Variants in BAIAP2L1 observed in about 807,000 individuals in gnomAD.
BAIAP2L1 encodes the protein BAR/IMD domain-containing adapter protein 2-like 1.
BAIAP2L1 carries 35 observed loss-of-function variants against 66.3 expected under a neutral mutation model. That is an observed-to-expected ratio of 0.53 (90% CI 0.40 to 0.70). The LOEUF (loss-of-function observed/expected upper bound fraction) is 0.70, where lower values mean the gene tolerates loss of function less well. BAIAP2L1 is among the 30% of genes least tolerant of loss of function. The pLI is 0.00. For missense variants in BAIAP2L1, 622 were observed against 656.9 expected (o/e 0.95, Z 0.58); for synonymous variants, 269 against 248.7 (o/e 1.08, Z -0.77).
rs139975712 is a variant in BAIAP2L1, at chr7:98,319,898, A to C, written c.348+160T>G. Among the ~76,000 whole-genome samples, 50 of 152,242 alleles carry C rather than the reference A, an allele frequency of 3.3e-4. 1 individual carries two copies. In the East Asian group the frequency reaches 9.3e-3, roughly 28 times the overall value. The stretch of plus-strand genomic sequence containing the variant: ...CAAGTGTTAGCGAAAACCGGCCCAC[A>C]CAGCCCAAAGAGAGCTTGTCGGTTT... On this transcript the variant is annotated intron_variant, in intron 5 of 13. Transcript: ENST00000005260.
intron 1 of BAIAP2L1, among the ~76,000 whole-genome samples, chr7:98,364,693 ATCAC>A (rs1802350676): frequency 6.6e-6 from 1 of 152,130 alleles, no homozygotes; most frequent in Non-Finnish European, 1.5e-5. Context: ...TTTTTAAGAC[ATCAC>A]TTGGTCAGGC....
chr7:98,355,250 G>C (rs1190155908), intron 2 of BAIAP2L1, 122 bp from the exon 3 acceptor site: 3 of 720,354 alleles, frequency 4.2e-6, no homozygotes, highest in Middle Eastern at 3.0e-4. Context: ...GCTGTGGCAG[G>C]TGTGGCTCTC....
chr7:98,384,466 T>C (rs1200073674), intron 1 of BAIAP2L1, among the ~76,000 whole-genome samples: 1 of 152,128 alleles, frequency 6.6e-6, no homozygotes, highest in Non-Finnish European at 1.5e-5. Flanking sequence ...AAAAGGTGTG[T>C]CCTGGAATAA....
intron 1 of BAIAP2L1, among the ~76,000 whole-genome samples, chr7:98,392,967 T>TTA (rs201126307): frequency 0.013 from 2,010 of 150,754 alleles, 35 homozygotes; most frequent in Non-Finnish European, 0.019. Flanking sequence ...TGATTTTTAT[T>TTA]TATATATATA....
chr7:98,355,589 C>T (rs1802101922), intron 2 of BAIAP2L1, among the ~76,000 whole-genome samples: 2 of 150,304 alleles, frequency 1.3e-5, no homozygotes, highest in Non-Finnish European at 3.0e-5. Flanking sequence ...ATTAGCCAGG[C>T]ATGGTGGAGT....
chr7:98,372,553 T>C (rs1802534221), intron 1 of BAIAP2L1, among the ~76,000 whole-genome samples: 1 of 152,084 alleles, frequency 6.6e-6, no homozygotes, highest in Admixed American at 6.6e-5. Flanking sequence ...AAATATGCAG[T>C]TCTGTGGCTT....
chr7:98,389,522 T>C (rs1802976243), intron 1 of BAIAP2L1, among the ~76,000 whole-genome samples: 1 of 152,034 alleles, frequency 6.6e-6, no homozygotes, highest in Admixed American at 6.6e-5. Flanking sequence ...GGTTTCACCA[T>C]GTTGGCCAAG....
chr7:98,305,336 T>A (rs1311046661), intron 11 of BAIAP2L1, among the ~76,000 whole-genome samples: 5 of 146,438 alleles, frequency 3.4e-5, no homozygotes. Context: ...AAAAAAAAAA[T>A]GTAAACACTT....
intron 1 of BAIAP2L1, among the ~76,000 whole-genome samples, chr7:98,367,320 T>C (rs1254540458): frequency 6.6e-6 from 1 of 152,130 alleles, no homozygotes; most frequent in South Asian, 2.1e-4. Context: ...CAGACCTTAT[T>C]TGGATTTTCC....
chr7:98,393,144 T>C (rs1803104664), intron 1 of BAIAP2L1, among the ~76,000 whole-genome samples: 1 of 140,518 alleles, frequency 7.1e-6, no homozygotes, highest in Non-Finnish European at 1.6e-5. Context: ...CACATATGTG[T>C]ACATATATAT....
At chr7:98,349,661 T>C (rs1801955529) in intron 3 of BAIAP2L1, among the ~76,000 whole-genome samples, 1 of 151,080 alleles carries the variant, frequency 6.6e-6, no homozygotes, top group Non-Finnish European at 1.5e-5. Flanking sequence ...TTACCTTAAG[T>C]CAGGAGTTCA....
chr7:98,320,322 A>G lies in BAIAP2L1; in HGVS notation c.215-24T>C, dbSNP rs756272236. Reference sequence around the variant, plus strand: ...TCCTGGGAACAAAACCAGATATGTTAGCGGGAAGCCATTGCGTATTTTTTT... The same window carrying G: ...TCCTGGGAACAAAACCAGATATGTTGGCGGGAAGCCATTGCGTATTTTTTT... On this transcript the variant is annotated intron_variant, in intron 3 of 13. Transcript: ENST00000005260. The G allele has an allele frequency of 2.6e-6, 4 of 1,543,438 alleles. No individual in the cohort carries two copies. The African/African-American group carries it at 4.2e-5, about 16-fold the overall frequency.
chr7:98,348,040 G>A (rs1801914461), intron 3 of BAIAP2L1, among the ~76,000 whole-genome samples: 1 of 152,036 alleles, frequency 6.6e-6, no homozygotes, highest in Non-Finnish European at 1.5e-5. Flanking sequence ...TAATGTAGAT[G>A]ACCGGTTAAT....
chr7:98,392,831 C>T (rs1012342167), intron 1 of BAIAP2L1, among the ~76,000 whole-genome samples: 1 of 151,862 alleles, frequency 6.6e-6, no homozygotes, highest in Non-Finnish European at 1.5e-5. Flanking sequence ...TTCTTGCTGC[C>T]ACCCAGGCTG....
rs191763254 is a variant in BAIAP2L1, at chr7:98,382,639, T to C, written c.51+18163A>G. ...CTGGGTTTAAGGTCCACAGATACCATAACTCTATATAGTTATGTTTATTTC... is the reference window on the plus strand; with the variant it reads ...CTGGGTTTAAGGTCCACAGATACCACAACTCTATATAGTTATGTTTATTTC... On this transcript the variant is annotated intron_variant, in intron 1 of 13. Coordinates refer to ENST00000005260, the MANE Select transcript of BAIAP2L1 (RefSeq NM_018842.5). Among the ~76,000 whole-genome samples, 303 of 152,314 alleles carry C rather than the reference T, an allele frequency of 2.0e-3. 1 individual carries two copies. The highest frequency in any genetic ancestry group is 3.4e-3 in the Middle Eastern group (1 of 294).
At chr7:98,377,097 G>C (rs1432326300) in intron 1 of BAIAP2L1, among the ~76,000 whole-genome samples, 7 of 152,054 alleles carry the variant, frequency 4.6e-5, no homozygotes, top group Non-Finnish European at 2.9e-5. Context: ...ACAGATCTTG[G>C]ACTAGTCAGC....
intron 3 of BAIAP2L1, among the ~76,000 whole-genome samples, chr7:98,346,338 A>C (rs1801873249): frequency 6.6e-6 from 1 of 152,218 alleles, no homozygotes; most frequent in African/African-American, 2.4e-5. Flanking sequence ...CCACAATAAA[A>C]AATACAAAGT....
chr7:98,388,503 C>A (rs1366018797), intron 1 of BAIAP2L1, among the ~76,000 whole-genome samples: 3 of 151,654 alleles, frequency 2.0e-5, no homozygotes, highest in African/African-American at 7.3e-5. Context: ...AAAAACAAAA[C>A]AAAACAAACC....
Position 98,356,994 on chromosome 7 carries a change from C to CAAAAAAAAAAAAA in BAIAP2L1, c.128-1879_128-1867dup, listed in dbSNP as rs1171832329. On this transcript the variant is annotated intron_variant, in intron 2 of 13. Coordinates refer to ENST00000005260, the MANE Select transcript of BAIAP2L1 (RefSeq NM_018842.5). ...GTGGGCAAGAGTGAGGCCCCTGTCT[C>CAAAAAAAAAAAAA]AAAAAAAAAAAAAAAAAAAAAAAAA... Among the ~76,000 whole-genome samples the CAAAAAAAAAAAAA allele has an allele frequency of 1.6e-3, 4 of 2,426 alleles. 1 individual carries two copies. Among genetic ancestry groups the CAAAAAAAAAAAAA allele is most frequent in the Non-Finnish European group, 2.7e-3 (4 of 1,458 alleles). The allele number at this position is 2,426 out of a possible 152,430, so 1.6% of individuals were successfully genotyped here.
Sources: gnomAD v4.1 joint callset for allele counts (sites outside exome capture counted in the v4.1 genomes callset) on GRCh38, gnomAD v4.1.1 for gene constraint, MANE v1.5 for transcripts, NCBI Gene and HGNC (gene_info 2026-07-23, HGNC 2026-07-21) for gene names.